Variants in IMMP2L observed in about 807,000 individuals in gnomAD.
IMMP2L encodes the protein mitochondrial inner membrane protease subunit 2.
A neutral mutation model predicts 19.3 loss-of-function variants in IMMP2L; 18 were observed. The observed-to-expected ratio is 0.93, with a 90% CI of 0.64 to 1.38. IMMP2L has a LOEUF of 1.38. Ranked by LOEUF, IMMP2L falls within the 40% of genes most tolerant of loss-of-function variation. The pLI, the probability that IMMP2L is intolerant of heterozygous loss-of-function variation, is 0.00. For synonymous variants in IMMP2L, 76 were observed against 73.0 expected, an observed-to-expected ratio of 1.04 and a Z score of -0.21; for missense variants, 233 against 218.2, an observed-to-expected ratio of 1.07 and a Z score of -0.43.
chr7:111,441,579 T>C (rs1320053447), intron 3 of IMMP2L, among the ~76,000 whole-genome samples: 2 of 151,598 alleles, frequency 1.3e-5, no homozygotes, highest in Non-Finnish European at 2.9e-5. Context: ...ATGATAATCA[T>C]AGCAGATATA....
chr7:111,492,540 G>A (rs1843199836), intron 2 of IMMP2L: 2 of 228,342 alleles, frequency 8.8e-6, no homozygotes, highest in Non-Finnish European at 1.4e-5. Flanking sequence ...AAAACATGCT[G>A]CAGTTCCCTT....
chr7:111,277,798 G>C (rs994732431), intron 3 of IMMP2L, among the ~76,000 whole-genome samples: 1 of 152,112 alleles, frequency 6.6e-6, no homozygotes, highest in African/African-American at 2.4e-5. Flanking sequence ...GTTTATTGCA[G>C]CACTATTCAC....
intron 3 of IMMP2L, among the ~76,000 whole-genome samples, chr7:111,145,433 C>G: frequency 6.6e-6 from 1 of 152,032 alleles, no homozygotes; most frequent in East Asian, 1.9e-4. Flanking sequence ...CTCACTGGCT[C>G]TATTAGGAAG....
At chr7:110,843,081 G>C (rs1805264646) in intron 5 of IMMP2L, among the ~76,000 whole-genome samples, 1 of 151,944 alleles carries the variant, frequency 6.6e-6, no homozygotes, top group African/African-American at 2.4e-5. Context: ...CTTTGTGCTG[G>C]TAATTCTAAA....
At chr7:110,699,945 G>A (rs758426551) in intron 5 of IMMP2L, among the ~76,000 whole-genome samples, 1 of 152,114 alleles carries the variant, frequency 6.6e-6, no homozygotes, top group Non-Finnish European at 1.5e-5. Context: ...TCCCCAGACT[G>A]TAAAAAGCCA....
At chr7:110,730,532 CT>C (rs566137083) in intron 5 of IMMP2L, among the ~76,000 whole-genome samples, 224 of 143,714 alleles carry the variant, frequency 1.6e-3, no homozygotes, top group Admixed American at 1.7e-3. Context: ...TTTTCTTTTT[CT>C]TTTTTTTTTT....
chr7:110,865,848 A>AT (rs57942504), intron 5 of IMMP2L, among the ~76,000 whole-genome samples: 4,090 of 147,030 alleles, frequency 0.028, 174 homozygotes, highest in East Asian at 0.14. Context: ...CTCCAAACTA[A>AT]TTTTTTTTTT....
chr7:111,176,780 T>C (rs1807111254), intron 3 of IMMP2L, among the ~76,000 whole-genome samples: 1 of 151,424 alleles, frequency 6.6e-6, no homozygotes, highest in Non-Finnish European at 1.5e-5. Flanking sequence ...GTAAAAATCA[T>C]TTAAACCCAT....
chr7:111,082,874 A>AAC (rs779468644), intron 3 of IMMP2L, among the ~76,000 whole-genome samples: 1 of 151,058 alleles, frequency 6.6e-6, no homozygotes, highest in Non-Finnish European at 1.5e-5. Flanking sequence ...AAAAAAAAAA[A>AAC]TGACACGTGT....
intron 5 of IMMP2L, among the ~76,000 whole-genome samples, chr7:110,776,568 C>T (rs1222917618): frequency 6.6e-6 from 1 of 151,996 alleles, no homozygotes; most frequent in African/African-American, 2.4e-5. Context: ...GTTGGAGTAG[C>T]TTTTCCTTAA....
chr7:111,087,076 T>C (rs1796405268), intron 3 of IMMP2L, among the ~76,000 whole-genome samples: 1 of 152,188 alleles, frequency 6.6e-6, no homozygotes, highest in Admixed American at 6.5e-5. Flanking sequence ...TTTAGCCTCA[T>C]TATTTAATAG....
At chr7:111,077,475 G>C (rs1162527290) in intron 3 of IMMP2L, among the ~76,000 whole-genome samples, 1 of 152,076 alleles carries the variant, frequency 6.6e-6, no homozygotes, top group Non-Finnish European at 1.5e-5. Flanking sequence ...ATCCTCTTTT[G>C]TCATATCCCT....
At chr7:111,124,892 T>C in intron 3 of IMMP2L, 2 of 1,557,668 alleles carry the variant, frequency 1.3e-6, no homozygotes, top group Non-Finnish European at 1.7e-6. Context: ...CCAACAAATA[T>C]GTCCTAAAAA....
intron 3 of IMMP2L, among the ~76,000 whole-genome samples, chr7:111,461,902 T>C (rs192501093): frequency 7.9e-5 from 12 of 152,148 alleles, no homozygotes; most frequent in Non-Finnish European, 1.8e-4. Flanking sequence ...AAAAATAATT[T>C]GCCACTATAA....
In IMMP2L at chr7:111,041,504, C is replaced by A. The variant is rs889626847; in HGVS notation, c.240-77939G>T. Among the ~76,000 whole-genome samples the A allele has an allele frequency of 5.9e-5, 9 of 151,514 alleles. 1 individual carries two copies. The South Asian group carries it at 8.4e-4, about 14-fold the overall frequency. ...TTGCATTCTTTTAACCACTCAGGGG[C>A]ACATGTAAAGTTAAACTCTTTTTGA... is the stretch of plus-strand genomic sequence containing the variant. On this transcript the variant is annotated intron_variant, in intron 3 of 5. Transcript: ENST00000405709.
intron 5 of IMMP2L, among the ~76,000 whole-genome samples, chr7:110,730,000 T>C (rs904565377): frequency 6.6e-6 from 1 of 152,122 alleles, no homozygotes; most frequent in Non-Finnish European, 1.5e-5. Flanking sequence ...TGGGAATCTA[T>C]TGAACATTAT....
chr7:111,369,319 A>G (rs571998230), intron 3 of IMMP2L, among the ~76,000 whole-genome samples: 2 of 151,998 alleles, frequency 1.3e-5, no homozygotes, highest in Non-Finnish European at 2.9e-5. Context: ...ATTTTGTAAT[A>G]CCACAACATT....
At position 111,198,413 on chromosome 7, in the gene IMMP2L, C is replaced by A. The variant is rs1809733030; in HGVS notation, c.240-234848G>T. Among the ~76,000 whole-genome samples, 3 of 152,218 alleles carry A rather than the reference C, an allele frequency of 2.0e-5. 1 individual carries two copies. The South Asian group carries it at 6.2e-4, about 32-fold the overall frequency. The stretch of plus-strand genomic sequence containing the variant: ...GTCTTATTTTCCTAACCCGTACAAG[C>A]AGTTATTATTACCCTATGGGCTGCT... On this transcript the variant is annotated intron_variant, in intron 3 of 5. Coordinates refer to ENST00000405709, the MANE Select transcript of IMMP2L (RefSeq NM_032549.4).
At chr7:110,978,696 C>T (rs557937732) in intron 3 of IMMP2L, among the ~76,000 whole-genome samples, 3 of 152,122 alleles carry the variant, frequency 2.0e-5, no homozygotes, top group South Asian at 4.1e-4. Context: ...ATCATCTACA[C>T]TAAACATTCT....
Sources: gnomAD v4.1 joint callset for allele counts (sites outside exome capture counted in the v4.1 genomes callset) on GRCh38, gnomAD v4.1.1 for gene constraint, MANE v1.5 for transcripts, NCBI Gene and HGNC (gene_info 2026-07-23, HGNC 2026-07-21) for gene names.